The following KIF13A variants were observed in gnomAD, a reference collection of about 807,000 sequenced individuals.
The protein encoded by KIF13A is kinesin family member 13A.
A neutral mutation model predicts 212.2 loss-of-function variants in KIF13A; 79 were observed. The observed-to-expected ratio is 0.37, with a 90% CI of 0.31 to 0.45. KIF13A has a LOEUF of 0.45. Among genes scored for constraint, KIF13A ranks in the 20% least tolerant of loss-of-function variants. The pLI is 1.00. For missense variants in KIF13A, 1,901 were observed against 2,209.0 expected, an observed-to-expected ratio of 0.86 and a Z score of 2.79; for synonymous variants, 789 against 808.6, an observed-to-expected ratio of 0.98 and a Z score of 0.41.
chr6:17,906,190 T>A (rs1283228417), intron 2 of KIF13A, among the ~76,000 whole-genome samples: 1 of 152,190 alleles, frequency 6.6e-6, no homozygotes, highest in Non-Finnish European at 1.5e-5. Flanking sequence ...GTGAAGAAGC[T>A]GATTCATTCA....
rs373092082 is a variant in KIF13A at position 17,773,525 on chromosome 6, G to T, written c.4277C>A (p.Ala1426Glu). Residue 1426 changes from alanine to glutamate, a missense_variant, in exon 36 of 39, where the codon GCA becomes GAA. This residue lies in a region of KIF13A where 687 missense variants were observed against 759.1 expected (regional missense o/e 0.90). Transcript: ENST00000259711. The surrounding 1 kb of genome is among the most constrained non-coding windows in gnomAD (Gnocchi z 4.2). ...ATCCCTGGGTAAAGTTCCATAACAT[G>T]CTACATCTTGGTAACTGGAGCTATA... Reference protein sequence around the residue: ...SDYSSSYQDVACYGTLPRDSP... With the variant: ...SDYSSSYQDVECYGTLPRDSP... 6.8e-6 allele frequency: 11 copies of T among 1,611,628 alleles called. No homozygotes were observed. Among genetic ancestry groups the T allele is most frequent in the Non-Finnish European group, 9.3e-6 (11 of 1,178,230 alleles).
Position 17,804,543 on chromosome 6 carries a change from A to G in KIF13A, c.2305-33T>C, listed in dbSNP as rs372630533. On this transcript the variant is annotated intron_variant, in intron 19 of 38. Transcript: ENST00000259711. ...GTAGGAGGGGCCAGTGAGTGGACGAATAAGAAACATAACATCAATTTAAAT... is the reference window on the plus strand; with the variant it reads ...GTAGGAGGGGCCAGTGAGTGGACGAGTAAGAAACATAACATCAATTTAAAT... The G allele has an allele frequency of 3.3e-6, 5 of 1,505,346 alleles. 1 individual carries two copies. The African/African-American group carries it at 7.0e-5, about 21-fold the overall frequency. 93.2% of individuals were successfully genotyped at this position (1,505,346 alleles called of 1,614,324 possible).
In KIF13A at chr6:17,883,315, C is replaced by G. The variant is rs374547520; in HGVS notation, c.160-9878G>C. Among the ~76,000 whole-genome samples, 1 of 152,074 alleles carries G rather than the reference C, an allele frequency of 6.6e-6. No individual in the cohort carries two copies. Among genetic ancestry groups the G allele is most frequent in the Non-Finnish European group, 1.5e-5 (1 of 68,012 alleles). On this transcript the variant is annotated intron_variant, in intron 3 of 38. Coordinates refer to ENST00000259711, the MANE Select transcript of KIF13A (RefSeq NM_022113.6). This position sits in a 1 kb window ranked among gnomAD's most constrained non-coding sequence, Gnocchi z 4.8. ...TGAGCTGTGATCATGTCACTGCACT[C>G]CAGCCTGGGTCACAGAGCAAGACTG...
chr6:17,980,565 T>C (rs1027660549), intron 2 of KIF13A, among the ~76,000 whole-genome samples: 1 of 151,946 alleles, frequency 6.6e-6, no homozygotes, highest in African/African-American at 2.4e-5. Flanking sequence ...AGAGGAACTC[T>C]AGAGAGCACC....
intron 2 of KIF13A, among the ~76,000 whole-genome samples, chr6:17,960,424 T>C (rs974611666): frequency 6.6e-6 from 1 of 152,216 alleles, no homozygotes; most frequent in African/African-American, 2.4e-5. Context: ...CCAAGATGTT[T>C]TTGCTAAGCA....
chr6:17,849,375 A>C lies in KIF13A; in HGVS notation c.830+2T>G. On this transcript the variant is annotated splice_donor_variant, in intron 9 of 38. Coordinates refer to ENST00000259711, the MANE Select transcript of KIF13A (RefSeq NM_022113.6). LOFTEE classifies it high-confidence loss of function. This position sits in a 1 kb window ranked among gnomAD's most constrained non-coding sequence, Gnocchi z 5.7. Reference sequence around the variant, plus strand: ...AGGCTGTTCTGGGACCAGCCACCTTACTTGTTAATGTTGCTGCCTTCTTTC... The same window carrying C: ...AGGCTGTTCTGGGACCAGCCACCTTCCTTGTTAATGTTGCTGCCTTCTTTC... 6.2e-7 allele frequency: 1 copy of C among 1,607,288 alleles called. No homozygotes were observed.
chr6:17,818,664 C>G (rs574113109), intron 16 of KIF13A, among the ~76,000 whole-genome samples: 1 of 152,094 alleles, frequency 6.6e-6, no homozygotes, highest in Non-Finnish European at 1.5e-5. Context: ...TGCAACAAGC[C>G]TAAGTGTGGA....
intron 2 of KIF13A, among the ~76,000 whole-genome samples, chr6:17,965,819 A>T (rs899138784): frequency 6.6e-6 from 1 of 152,252 alleles, no homozygotes; most frequent in Non-Finnish European, 1.5e-5. Flanking sequence ...ATTTGCTTGT[A>T]AAATTAAAAA....
rs557395105 is a variant in KIF13A, at chr6:17,967,072, C to T, written c.146+19982G>A. ...CACTCTATTCCCTTTTGGTATTATG[C>T]ACTTTCTCAGGGGAAAAGTAATCCG... On this transcript the variant is annotated intron_variant, in intron 2 of 38. Transcript: ENST00000259711. This position sits in a 1 kb window ranked among gnomAD's most constrained non-coding sequence, Gnocchi z 4.1. 3.3e-5 allele frequency among the ~76,000 whole-genome samples: 5 copies of T among 152,298 alleles called. No individual in the cohort carries two copies. The East Asian group carries it at 7.7e-4, about 24-fold the overall frequency.
chr6:17,767,319 A>G (rs1759089854), intron 38 of KIF13A, among the ~76,000 whole-genome samples: 1 of 150,792 alleles, frequency 6.6e-6, no homozygotes, highest in Non-Finnish European at 1.5e-5. Context: ...CAATGGCGCG[A>G]TCTTGGATCA....
At chr6:17,904,049 T>C (rs895354063) in intron 2 of KIF13A, among the ~76,000 whole-genome samples, 15 of 150,660 alleles carry the variant, frequency 1.0e-4, no homozygotes, top group African/African-American at 3.2e-4. Context: ...CCCAGCTACA[T>C]TGGAGCCTGA....
At position 17,977,124 on chromosome 6, in the gene KIF13A, A is replaced by C. The variant is rs1234564838; in HGVS notation, c.146+9930T>G. ...CTCAAAAAACAACAACAAAAAAAAA[A>C]AAAAAAAAAAAAGAAATGCACATTC... On this transcript the variant is annotated intron_variant, in intron 2 of 38. Coordinates refer to ENST00000259711, the MANE Select transcript of KIF13A (RefSeq NM_022113.6). Among the ~76,000 whole-genome samples, 604 of 151,186 alleles carry C rather than the reference A, an allele frequency of 4.0e-3. 4 individuals carry two copies. Among genetic ancestry groups the C allele is most frequent in the African/African-American group, 0.013 (548 of 41,332 alleles).
Position 17,982,869 on chromosome 6 carries a change from T to C in KIF13A, c.146+4185A>G, listed in dbSNP as rs942930912. Among the ~76,000 whole-genome samples, 8 of 152,116 alleles carry C rather than the reference T, an allele frequency of 5.3e-5. No homozygotes were observed. The highest frequency in any genetic ancestry group is 1.4e-4 in the African/African-American group (6 of 41,428). On this transcript the variant is annotated intron_variant, in intron 2 of 38. Transcript: ENST00000259711. The surrounding 1 kb of genome is among the most constrained non-coding windows in gnomAD (Gnocchi z 5.1). ...GAATGAGTAAGTCTTAATATGCTGATATTGAAAGATACCAAAGGGGGCCAG... is the reference window on the plus strand; with the variant it reads ...GAATGAGTAAGTCTTAATATGCTGACATTGAAAGATACCAAAGGGGGCCAG...
At chr6:17,805,779 C>T (rs926819304) in intron 18 of KIF13A, among the ~76,000 whole-genome samples, 164 bp from the exon 19 acceptor site, 7 of 152,096 alleles carry the variant, frequency 4.6e-5, no homozygotes, top group African/African-American at 7.2e-5. Flanking sequence ...TTATTTTCTA[C>T]CTTCTATGTA....
chr6:17,960,887 A>C (rs1398636562), intron 2 of KIF13A, among the ~76,000 whole-genome samples: 1 of 152,200 alleles, frequency 6.6e-6, no homozygotes, highest in Non-Finnish European at 1.5e-5. Flanking sequence ...CGTATCATTC[A>C]TTCTTTCATT....
rs1760928026 is a variant in KIF13A, at chr6:17,785,013, A to G, written c.3488+502T>C. Among the ~76,000 whole-genome samples, 1 of 152,232 alleles carries G rather than the reference A, an allele frequency of 6.6e-6. No individual in the cohort carries two copies. Among genetic ancestry groups the G allele is most frequent in the East Asian group, 1.9e-4 (1 of 5,198 alleles). On this transcript the variant is annotated intron_variant, in intron 28 of 38. Coordinates refer to ENST00000259711, the MANE Select transcript of KIF13A (RefSeq NM_022113.6). This position sits in a 1 kb window ranked among gnomAD's most constrained non-coding sequence, Gnocchi z 5.8. The stretch of plus-strand genomic sequence containing the variant: ...CTCTTAAATGCCCTGGATATGTTAT[A>G]ATAAAAATGAGAATGAGAATAAGCA...
intron 16 of KIF13A, among the ~76,000 whole-genome samples, chr6:17,819,334 T>C (rs1236203473): frequency 6.6e-6 from 1 of 151,922 alleles, no homozygotes; most frequent in Non-Finnish European, 1.5e-5. Context: ...GAAGCTGAGG[T>C]GGGCGATCAC....
At chr6:17,813,008 A>G (rs546354391) in intron 17 of KIF13A, among the ~76,000 whole-genome samples, 17 of 152,168 alleles carry the variant, frequency 1.1e-4, no homozygotes, top group African/African-American at 4.1e-4. Flanking sequence ...TTTATCTTTT[A>G]TATTGTTTAG....
At chr6:17,942,182 G>T (rs1468438931) in intron 2 of KIF13A, among the ~76,000 whole-genome samples, 1 of 151,724 alleles carries the variant, frequency 6.6e-6, no homozygotes, top group Non-Finnish European at 1.5e-5. Context: ...TACACCTATA[G>T]TCCCAGCTAC....
Sources: gnomAD v4.1 joint callset for allele counts (sites outside exome capture counted in the v4.1 genomes callset) on GRCh38, gnomAD v4.1.1 for gene constraint, gnomAD v4.1.1 regional missense constraint, Gnocchi (gnomAD v3.1) non-coding constraint, MANE v1.5 for transcripts, NCBI Gene and HGNC (gene_info 2026-07-23, HGNC 2026-07-21) for gene names.